Variants in SPIRE1 observed in about 807,000 individuals in gnomAD.
SPIRE1 encodes the protein spire type actin nucleation factor 1.
SPIRE1 carries 40 observed loss-of-function variants against 94.1 expected under a neutral mutation model. That is an observed-to-expected ratio of 0.43 (90% CI 0.33 to 0.55). The LOEUF (loss-of-function observed/expected upper bound fraction) is 0.55. Ranked by LOEUF, SPIRE1 falls within the 20% of genes least tolerant of loss-of-function variation. The pLI, the probability that SPIRE1 is intolerant of heterozygous loss-of-function variation, is 0.06. For missense variants in SPIRE1, 838 were observed against 975.2 expected (o/e 0.86, Z 1.87); for synonymous variants, 376 against 371.7 (o/e 1.01, Z -0.13).
chr18:12,466,255 G>T (rs2032094687), intron 10 of SPIRE1, among the ~76,000 whole-genome samples: 1 of 151,992 alleles, frequency 6.6e-6, no homozygotes, highest in Admixed American at 6.6e-5. Flanking sequence ...ACATTTACTT[G>T]TAATTTCTAC....
intron 1 of SPIRE1, among the ~76,000 whole-genome samples, chr18:12,646,508 G>C (rs1410706732): frequency 6.6e-6 from 1 of 152,000 alleles, no homozygotes; most frequent in Non-Finnish European, 1.5e-5. Flanking sequence ...TGGGAATATC[G>C]CTAACATGGT....
intron 8 of SPIRE1, among the ~76,000 whole-genome samples, chr18:12,492,827 T>C (rs1185422581): frequency 1.3e-5 from 2 of 152,122 alleles, no homozygotes; most frequent in Non-Finnish European, 2.9e-5. Flanking sequence ...GATGTTCTCA[T>C]ATAGTTCAGT....
At chr18:12,546,602 A>T in intron 3 of SPIRE1, 72 bp downstream of exon 3, 1 of 1,152,152 alleles carries the variant, frequency 8.7e-7, no homozygotes, top group Middle Eastern at 2.9e-4. Context: ...CCATCTCTCC[A>T]GGGGGGGAAA....
intron 12 of SPIRE1, among the ~76,000 whole-genome samples, chr18:12,458,566 A>G (rs1343299442): frequency 6.6e-6 from 1 of 152,164 alleles, no homozygotes; most frequent in Non-Finnish European, 1.5e-5. Flanking sequence ...GTGAGCCGAT[A>G]TCGCGTCACT....
chr18:12,588,189 AT>A (rs2144572449), intron 2 of SPIRE1, among the ~76,000 whole-genome samples: 1 of 152,314 alleles, frequency 6.6e-6, no homozygotes, highest in African/African-American at 2.4e-5. Context: ...TTGTATGGAT[AT>A]ATCACATTTT....
chr18:12,470,233 CT>C (rs1484123981), intron 10 of SPIRE1, among the ~76,000 whole-genome samples: 2 of 152,112 alleles, frequency 1.3e-5, no homozygotes, highest in Non-Finnish European at 2.9e-5. Context: ...CAGGCATAAT[CT>C]TATACTGGCC....
intron 2 of SPIRE1, among the ~76,000 whole-genome samples, chr18:12,590,656 CG>C (rs2036508860): frequency 6.6e-6 from 1 of 152,126 alleles, no homozygotes; most frequent in East Asian, 1.9e-4. Flanking sequence ...GCAGCATCAG[CG>C]TTGTGGAGGC....
Position 12,447,425 on chromosome 18 carries a change from G to C in SPIRE1, c.*2213C>G, listed in dbSNP as rs552823295. On this transcript the variant is annotated 3_prime_UTR_variant, in exon 17 of 17. Transcript: ENST00000409402. ...TATGTAGCTGACGTGAAGTGTGGAG[G>C]GGGGTGGTAGAAAGGGGGGTTAAAT... The C allele has an allele frequency of 1.3e-5, 2 of 149,924 alleles. No individual in the cohort carries two copies. Among genetic ancestry groups the C allele is most frequent in the East Asian group, 2.0e-4 (1 of 5,024 alleles). 9.3% of individuals were successfully genotyped at this position (149,924 alleles called of 1,614,324 possible).
chr18:12,493,702 T>C (rs529303037), intron 7 of SPIRE1, among the ~76,000 whole-genome samples: 47 of 152,322 alleles, frequency 3.1e-4, no homozygotes, highest in South Asian at 1.2e-3. Flanking sequence ...CCGCTGCACC[T>C]GGCTACACTT....
chr18:12,527,493 T>C (rs970162380), intron 4 of SPIRE1, among the ~76,000 whole-genome samples: 1 of 152,292 alleles, frequency 6.6e-6, no homozygotes, highest in East Asian at 1.9e-4. Context: ...TGTCTGGGCT[T>C]AGAGCTGCTG....
chr18:12,598,797 T>G (rs943325810), intron 2 of SPIRE1, among the ~76,000 whole-genome samples: 2 of 152,180 alleles, frequency 1.3e-5, no homozygotes, highest in Admixed American at 6.5e-5. Context: ...GAGTATTTGA[T>G]AAGACTGTGG....
chr18:12,655,348 T>C lies in SPIRE1; in HGVS notation c.337+2182A>G, dbSNP rs146897447. ...ACACCACCAAATTATTCATCAAGTG[T>C]AAGAATCAAGATAAAATCTTCAGAA... is the stretch of plus-strand genomic sequence containing the variant. On this transcript the variant is annotated intron_variant, in intron 1 of 16. Transcript: ENST00000409402. 5.3e-5 allele frequency among the ~76,000 whole-genome samples: 8 copies of C among 152,294 alleles called. No homozygotes were observed. The East Asian group carries it at 1.3e-3, about 26-fold the overall frequency.
rs961892292 is a variant in SPIRE1, at chr18:12,506,303, G to T, written c.972+174C>A. On this transcript the variant is annotated intron_variant, in intron 6 of 16. Transcript: ENST00000409402. ...CTCCCGAGCAGCTGGAACTACAGGT[G>T]TGCACCACCACGCCCAACTAATTTT... Among the ~76,000 whole-genome samples the T allele has an allele frequency of 2.0e-5, 3 of 152,178 alleles. No individual in the cohort carries two copies. The East Asian group carries it at 5.8e-4, about 29-fold the overall frequency.
chr18:12,489,549 T>C (rs888327077), intron 8 of SPIRE1, among the ~76,000 whole-genome samples: 4 of 152,218 alleles, frequency 2.6e-5, no homozygotes, highest in African/African-American at 7.2e-5. Flanking sequence ...TCAATTAAGA[T>C]GTTTAGAAGA....
chr18:12,626,888 T>TATATATATATATATATATATA (rs1567976766), intron 2 of SPIRE1, among the ~76,000 whole-genome samples: 1 of 45,774 alleles, frequency 2.2e-5, no homozygotes, highest in African/African-American at 5.5e-5. Flanking sequence ...ATATATATAT[T>TATATATATATATATATATATA]TTTTTTTTTT....
intron 2 of SPIRE1, among the ~76,000 whole-genome samples, chr18:12,615,156 G>A (rs1441714286): frequency 2.0e-5 from 3 of 149,910 alleles, no homozygotes; most frequent in East Asian, 2.0e-4. Flanking sequence ...GGTTAACCCC[G>A]TTTCTACTAA....
intron 2 of SPIRE1, among the ~76,000 whole-genome samples, chr18:12,599,883 T>G (rs2036782803): frequency 1.3e-5 from 2 of 152,166 alleles, no homozygotes; most frequent in South Asian, 4.2e-4. Context: ...AGGTGGGACC[T>G]GTGAAGTGCT....
intron 5 of SPIRE1, among the ~76,000 whole-genome samples, chr18:12,511,025 T>G (rs1479136537): frequency 6.6e-6 from 1 of 152,228 alleles, no homozygotes; most frequent in African/African-American, 2.4e-5. Context: ...GTTTTACAAA[T>G]CTGTCTTCTG....
intron 4 of SPIRE1, among the ~76,000 whole-genome samples, chr18:12,515,860 C>G (rs954718538): frequency 6.6e-6 from 1 of 152,136 alleles, no homozygotes; most frequent in African/African-American, 2.4e-5. Context: ...CGGCTGAGGC[C>G]TCTGCTGCAT....
Sources: allele counts gnomAD v4.1 joint callset (sites outside exome capture counted in the v4.1 genomes callset), GRCh38; gene constraint gnomAD v4.1.1; transcripts MANE v1.5; gene names NCBI Gene and HGNC (gene_info 2026-07-23, HGNC 2026-07-21).